Variants in MIER3 observed in about 807,000 individuals in gnomAD.
MIER3 encodes MIER family member 3, also known as mesoderm induction early response protein 3.
A neutral mutation model predicts 63.2 loss-of-function variants in MIER3; 9 were observed. The observed-to-expected ratio is 0.14, with a 90% confidence interval of 0.09 to 0.25. The LOEUF (loss-of-function observed/expected upper bound fraction) is 0.25. Among genes scored for constraint, MIER3 ranks in the 10% least tolerant of loss-of-function variants. The pLI, the probability that MIER3 is intolerant of heterozygous loss-of-function variation, is 1.00. For synonymous variants in MIER3, 205 were observed against 224.9 expected (o/e 0.91, Z 0.79); for missense variants, 512 against 666.2 (o/e 0.77, Z 2.55).
intron 3 of MIER3, among the ~76,000 whole-genome samples, chr5:56,946,654 G>C (rs1044557088): frequency 6.6e-6 from 1 of 151,892 alleles, no homozygotes; most frequent in African/African-American, 2.4e-5. Context: ...ATAATCTTAG[G>C]GCTTATAGTT....
intron 8 of MIER3, 66 bp from the exon 9 acceptor site, chr5:56,930,811 T>A: frequency 7.7e-7 from 1 of 1,296,136 alleles, no homozygotes; most frequent in Non-Finnish European, 1.1e-6. Flanking sequence ...AAAACAGGTG[T>A]AAGAGTTTTG....
chr5:56,946,570 C>T (rs1191292529), intron 3 of MIER3, among the ~76,000 whole-genome samples: 1 of 152,168 alleles, frequency 6.6e-6, no homozygotes, highest in Admixed American at 6.5e-5. Context: ...TACTACAGTA[C>T]TTATACAAAT....
chr5:56,951,887 C>G (rs1327665687), intron 1 of MIER3, among the ~76,000 whole-genome samples: 1 of 150,576 alleles, frequency 6.6e-6, no homozygotes, highest in South Asian at 2.1e-4. Flanking sequence ...GCGGCCTAGT[C>G]CCGGAGGGAG....
chr5:56,929,115 T>C (rs533909844), intron 9 of MIER3: 4 of 324,554 alleles, frequency 1.2e-5, no homozygotes, highest in South Asian at 1.3e-4. Flanking sequence ...CTGCTTTTTT[T>C]CCACTACATT....
intron 3 of MIER3, among the ~76,000 whole-genome samples, chr5:56,944,902 G>A (rs922062011): frequency 7.1e-5 from 10 of 140,308 alleles, no homozygotes; most frequent in Non-Finnish European, 1.2e-4. Flanking sequence ...TCACTATGTG[G>A]CCCAGGCTGG....
rs1749645624 is a variant in MIER3, at chr5:56,921,004, G to C, written c.*2124C>G. The C allele has an allele frequency of 6.6e-6, 1 of 152,414 alleles. No homozygotes were observed. Among genetic ancestry groups the C allele is most frequent in the Non-Finnish European group, 1.5e-5 (1 of 67,938 alleles). The allele number at this position is 152,414 out of a possible 1,614,324, so 9.4% of individuals were successfully genotyped here. ...AAAAATCTTTATTTAAATAACTAAA[G>C]TGTCCATTCAACTTGCTGATAATCA... On this transcript the variant is annotated 3_prime_UTR_variant, in exon 13 of 13. Coordinates refer to ENST00000381199, the MANE Select transcript of MIER3 (RefSeq NM_001297599.2).
At chr5:56,939,358 A>G (rs1750562373) in intron 3 of MIER3, among the ~76,000 whole-genome samples, 1 of 152,180 alleles carries the variant, frequency 6.6e-6, no homozygotes, top group East Asian at 1.9e-4. Context: ...CAATTAATCA[A>G]TCAATAACTT....
chr5:56,937,568 G>T lies in MIER3; in HGVS notation c.436+10C>A. The T allele has an allele frequency of 6.3e-7, 1 of 1,592,264 alleles. No individual in the cohort carries two copies. The highest frequency in any genetic ancestry group is 8.6e-7 in the Non-Finnish European group (1 of 1,168,318). ...GTTACTATTTATCAGTAATCCACTG[G>T]GTTTCTTACATCGTAAAGGCCTAGG... On this transcript the variant is annotated intron_variant, in intron 5 of 12. Transcript: ENST00000381199.
rs1291337810 is a variant in MIER3, at chr5:56,921,613, TAATA to T, written c.*1511_*1514del. The T allele has an allele frequency of 6.6e-6, 1 of 152,646 alleles. No homozygotes were observed. Among genetic ancestry groups the T allele is most frequent in the Non-Finnish European group, 1.5e-5 (1 of 68,028 alleles). 9.5% of individuals were successfully genotyped at this position (152,646 alleles called of 1,614,324 possible). ...ATGTCATTGCAGTTCACAGTTTGTA[TAATA>T]AATACCCTCCCTTTCAATCACTACT... On this transcript the variant is annotated 3_prime_UTR_variant, in exon 13 of 13. Transcript: ENST00000381199.
At chr5:56,945,422 C>A (rs2112144733) in intron 3 of MIER3, among the ~76,000 whole-genome samples, 1 of 152,160 alleles carries the variant, frequency 6.6e-6, no homozygotes. Flanking sequence ...GAGATTGTGC[C>A]ACTGCACTCC....
Position 56,919,974 on chromosome 5 carries a change from T to C in MIER3, c.*3154A>G, listed in dbSNP as rs1159672558. ...AATTTCCATTTGTAGACAATGTGCT[T>C]TGAAACTCTGGGCAAACAATCTCCT... On this transcript the variant is annotated 3_prime_UTR_variant, in exon 13 of 13. Transcript: ENST00000381199. The C allele has an allele frequency of 6.6e-6, 1 of 152,596 alleles. No homozygotes were observed. Among genetic ancestry groups the C allele is most frequent in the Non-Finnish European group, 1.5e-5 (1 of 68,000 alleles). The allele number at this position is 152,596 out of a possible 1,614,324, so 9.5% of individuals were successfully genotyped here.
intron 7 of MIER3, 83 bp downstream of exon 7, chr5:56,935,344 TG>T: frequency 9.7e-7 from 1 of 1,035,510 alleles, no homozygotes; most frequent in Non-Finnish European, 1.4e-6. Flanking sequence ...TTGCCAAGGC[TG>T]GTATAAAGCC....
intron 9 of MIER3, chr5:56,929,313 A>C (rs538433759): frequency 2.0e-5 from 3 of 152,950 alleles, no homozygotes; most frequent in African/African-American, 7.2e-5. Flanking sequence ...CATGCCTGTA[A>C]TCCCAGCACT....
chr5:56,928,914 A>C, intron 9 of MIER3, 53 bp from the exon 10 acceptor site: 1 of 1,274,050 alleles, frequency 7.8e-7, no homozygotes, highest in Admixed American at 1.8e-5. Flanking sequence ...TCTTATGTGA[A>C]TCACTGATTT....
chr5:56,933,116 G>C, intron 8 of MIER3, 131 bp downstream of exon 8: 1 of 946,414 alleles, frequency 1.1e-6, no homozygotes, highest in Non-Finnish European at 1.5e-6. Flanking sequence ...TTTTAAACCA[G>C]TATTTTGCAT....
At chr5:56,925,215 G>C (rs1579833476) in intron 10 of MIER3, 1 of 335,852 alleles carries the variant, frequency 3.0e-6, no homozygotes, top group East Asian at 8.8e-5. Flanking sequence ...CAAACATACA[G>C]AAAGTGTGAA....
intron 9 of MIER3, chr5:56,929,074 A>G: frequency 2.3e-6 from 1 of 429,680 alleles, no homozygotes; most frequent in Non-Finnish European, 4.1e-6. Flanking sequence ...TGCATACTAC[A>G]GTTCAAGTCT....
intron 1 of MIER3, among the ~76,000 whole-genome samples, chr5:56,951,587 A>T (rs1387119519): frequency 6.6e-6 from 1 of 152,110 alleles, no homozygotes; most frequent in Non-Finnish European, 1.5e-5. Flanking sequence ...CAGCAAAGTG[A>T]AGCGTGCGGC....
chr5:56,930,783 T>C (rs547247089), intron 8 of MIER3, 38 bp from the exon 9 acceptor site: 2 of 1,506,638 alleles, frequency 1.3e-6, no homozygotes, highest in East Asian at 2.3e-5. Flanking sequence ...TAAAAGTTCA[T>C]ACCTAACAGC....
Sources: gnomAD v4.1 joint callset for allele counts (sites outside exome capture counted in the v4.1 genomes callset) on GRCh38, gnomAD v4.1.1 for gene constraint, MANE v1.5 for transcripts, NCBI Gene and HGNC (gene_info 2026-07-23, HGNC 2026-07-21) for gene names.